Variants in KCNQ5 observed in about 807,000 individuals in gnomAD.
The protein encoded by KCNQ5 is potassium voltage-gated channel subfamily Q member 5.
KCNQ5 carries 30 observed loss-of-function variants against 98.2 expected under a neutral mutation model. That is an observed-to-expected ratio of 0.31 (90% CI 0.23 to 0.41). KCNQ5 has a LOEUF of 0.41. Ranked by LOEUF, KCNQ5 falls within the 10% of genes least tolerant of loss-of-function variation. The probability of loss-of-function intolerance (pLI) is 1.00; values close to 1 mark genes in which losing one functional copy is unlikely to be tolerated. For synonymous variants in KCNQ5, 458 were observed against 449.4 expected (o/e 1.02, Z -0.24); for missense variants, 835 against 1,182.5 (o/e 0.71, Z 4.31).
chr6:72,910,824 C>G (rs1391673715), intron 1 of KCNQ5, among the ~76,000 whole-genome samples: 5 of 152,114 alleles, frequency 3.3e-5, no homozygotes, highest in Admixed American at 3.3e-4. Flanking sequence ...TTGGTACTCA[C>G]TCTATGAGCA....
At chr6:72,667,628 A>G (rs1299390234) in intron 1 of KCNQ5, among the ~76,000 whole-genome samples, 2 of 152,230 alleles carry the variant, frequency 1.3e-5, no homozygotes, top group South Asian at 2.1e-4. Context: ...GAAAAAATCA[A>G]GCAGGTACCA....
chr6:73,058,816 T>C (rs1252525936), intron 3 of KCNQ5, among the ~76,000 whole-genome samples: 2 of 152,156 alleles, frequency 1.3e-5, no homozygotes, highest in African/African-American at 4.8e-5. Context: ...AAAAAAATGC[T>C]CAACATTACT....
At chr6:73,165,896 G>A (rs1165259338) in intron 10 of KCNQ5, among the ~76,000 whole-genome samples, 1 of 151,888 alleles carries the variant, frequency 6.6e-6, no homozygotes, top group East Asian at 1.9e-4. Context: ...AGTGAGCCGA[G>A]ATTGTGCTAC....
intron 1 of KCNQ5, among the ~76,000 whole-genome samples, chr6:72,687,313 A>G (rs1255385845): frequency 6.6e-6 from 1 of 152,216 alleles, no homozygotes; most frequent in Admixed American, 6.6e-5. Flanking sequence ...TGTCTTATCT[A>G]CCTTCCCCAG....
At chr6:73,172,928 G>T (rs933933414) in intron 11 of KCNQ5, among the ~76,000 whole-genome samples, 2 of 152,096 alleles carry the variant, frequency 1.3e-5, no homozygotes, top group Admixed American at 6.6e-5. Context: ...CCTTCACAAA[G>T]AGCAAAGTAA....
At chr6:73,138,467 G>A (rs562023989) in intron 10 of KCNQ5, among the ~76,000 whole-genome samples, 1 of 152,184 alleles carries the variant, frequency 6.6e-6, no homozygotes, top group African/African-American at 2.4e-5. Context: ...GGAGAAGGAC[G>A]TAGCTTTAGG....
intron 10 of KCNQ5, among the ~76,000 whole-genome samples, chr6:73,164,553 T>C (rs1777723323): frequency 1.3e-5 from 2 of 152,210 alleles, no homozygotes; most frequent in Non-Finnish European, 2.9e-5. Context: ...AGGATGTTGA[T>C]GGGGAGTGCA....
intron 10 of KCNQ5, among the ~76,000 whole-genome samples, chr6:73,150,069 A>C (rs1582448156): frequency 6.6e-6 from 1 of 152,168 alleles, no homozygotes; most frequent in Non-Finnish European, 1.5e-5. Context: ...ACATTTCACC[A>C]AAGAGCATAT....
intron 7 of KCNQ5, among the ~76,000 whole-genome samples, chr6:73,118,129 A>G (rs1306939209): frequency 1.3e-5 from 2 of 152,216 alleles, no homozygotes; most frequent in African/African-American, 2.4e-5. Context: ...AACTGAGCAC[A>G]CCTGCATAAC....
intron 1 of KCNQ5, among the ~76,000 whole-genome samples, chr6:72,875,862 A>G (rs561273302): frequency 6.6e-6 from 1 of 152,182 alleles, no homozygotes; most frequent in African/African-American, 2.4e-5. Context: ...GTTTTGAAAA[A>G]TATTTCAGGT....
intron 1 of KCNQ5, among the ~76,000 whole-genome samples, chr6:72,763,963 T>C (rs73756512): frequency 0.057 from 8,659 of 152,048 alleles, 816 homozygotes; most frequent in African/African-American, 0.2. Context: ...AAAACAACTT[T>C]TTTTGATCAG....
At chr6:72,929,624 C>T (rs1049343165) in intron 1 of KCNQ5, among the ~76,000 whole-genome samples, 2 of 151,930 alleles carry the variant, frequency 1.3e-5, no homozygotes, top group Non-Finnish European at 2.9e-5. Context: ...GTACAATGTA[C>T]ATAAAGTACA....
Position 73,194,724 on chromosome 6 carries a change from C to G in KCNQ5, c.2109C>G (p.Tyr703Ter). 6.2e-7 allele frequency: 1 copy of G among 1,614,250 alleles called. No homozygotes were observed. Among genetic ancestry groups the G allele is most frequent in the Non-Finnish European group, 8.5e-7 (1 of 1,180,050 alleles). ...ATGAGTTCAGTGCCCAGACTTTCTA[C>G]GCGCTTAGCCCTACTATGCACAGTC... is the stretch of plus-strand genomic sequence containing the variant. ...TPNEFSAQTF[Y>*]ALSPTMHSQA... is the part of the protein sequence containing the mutation. The change falls in exon 14 of 14, where the codon TAC becomes TAG. Residue 703 changes from tyrosine to a stop codon, truncating the protein, a stop_gained. Transcript: ENST00000370398. LOFTEE classifies it high-confidence loss of function.
chr6:72,958,704 G>T (rs1367852958), intron 1 of KCNQ5, among the ~76,000 whole-genome samples: 1 of 152,140 alleles, frequency 6.6e-6, no homozygotes, highest in East Asian at 1.9e-4. Context: ...CTTACACTAA[G>T]GTCAAGAATC....
intron 3 of KCNQ5, among the ~76,000 whole-genome samples, chr6:73,043,621 C>G (rs1040162811): frequency 2.8e-4 from 42 of 152,182 alleles, no homozygotes; most frequent in Admixed American, 2.4e-3. Flanking sequence ...GGGGCCCAAA[C>G]AAAACAATTC....
chr6:72,866,702 C>G (rs537985188), intron 1 of KCNQ5, among the ~76,000 whole-genome samples: 1 of 152,138 alleles, frequency 6.6e-6, no homozygotes, highest in Non-Finnish European at 1.5e-5. Flanking sequence ...TCATTTCAGT[C>G]CCTGCTATAC....
chr6:72,849,725 G>A (rs1375871604), intron 1 of KCNQ5, among the ~76,000 whole-genome samples: 4 of 152,174 alleles, frequency 2.6e-5, no homozygotes, highest in African/African-American at 9.7e-5. Flanking sequence ...TTTATGGAGA[G>A]AGAGGTCCTC....
intron 1 of KCNQ5, among the ~76,000 whole-genome samples, chr6:72,657,074 G>A (rs1377152939): frequency 1.3e-5 from 2 of 152,106 alleles, no homozygotes; most frequent in Non-Finnish European, 2.9e-5. Context: ...GTTGGGCGTG[G>A]TGGTGAATGT....
At chr6:72,772,230 A>G (rs1772934234) in intron 1 of KCNQ5, among the ~76,000 whole-genome samples, 2 of 152,158 alleles carry the variant, frequency 1.3e-5, no homozygotes, top group African/African-American at 4.8e-5. Context: ...CACAGAGAAT[A>G]CATCGATGCA....
Sources: allele counts gnomAD v4.1 joint callset (sites outside exome capture counted in the v4.1 genomes callset), GRCh38; gene constraint gnomAD v4.1.1; transcripts MANE v1.5; gene names NCBI Gene and HGNC (gene_info 2026-07-23, HGNC 2026-07-21).